The following AK5 variants were observed in gnomAD, a reference collection of about 807,000 sequenced individuals.
AK5 encodes adenylate kinase 5, also known as adenylate kinase isoenzyme 5.
In AK5, 27 loss-of-function variants were observed where a neutral mutation model predicts 69.5. That is an observed-to-expected ratio of 0.39 (90% CI 0.29 to 0.54). AK5 has a LOEUF of 0.54. Ranked by LOEUF, AK5 falls within the 20% of genes least tolerant of loss-of-function variation. The pLI is 0.71. For synonymous variants in AK5, 260 were observed against 244.4 expected, an observed-to-expected ratio of 1.06 and a Z score of -0.60; for missense variants, 531 against 700.4, an observed-to-expected ratio of 0.76 and a Z score of 2.73.
intron 13 of AK5, among the ~76,000 whole-genome samples, chr1:77,544,726 T>C (rs1311874671): frequency 6.6e-6 from 1 of 152,160 alleles, no homozygotes; most frequent in Non-Finnish European, 1.5e-5. Context: ...CAAGGCCTTT[T>C]TCTGGAACAT....
intron 6 of AK5, among the ~76,000 whole-genome samples, chr1:77,344,764 T>C (rs999439479): frequency 6.6e-6 from 1 of 152,104 alleles, no homozygotes; most frequent in Non-Finnish European, 1.5e-5. Context: ...ATATTTATTG[T>C]ACATGAATAA....
At chr1:77,508,894 A>G (rs1312243131) in intron 10 of AK5, among the ~76,000 whole-genome samples, 1 of 150,790 alleles carries the variant, frequency 6.6e-6, no homozygotes, top group African/African-American at 2.4e-5. Flanking sequence ...GAAGGTGGGG[A>G]TGAGTAATCC....
chr1:77,373,671 A>G (rs939912813), intron 6 of AK5, among the ~76,000 whole-genome samples: 4 of 152,002 alleles, frequency 2.6e-5, no homozygotes, highest in African/African-American at 9.7e-5. Context: ...GGTTGCAGTG[A>G]GCCGAGATCG....
At chr1:77,286,442 A>G (rs1339617389) in intron 1 of AK5, among the ~76,000 whole-genome samples, 1 of 151,402 alleles carries the variant, frequency 6.6e-6, no homozygotes, top group East Asian at 1.9e-4. Flanking sequence ...TTAAGGGATT[A>G]TCTTAATGAC....
rs577891406 is a variant in AK5 at position 77,470,403 on chromosome 1, G to A, written c.1060-12914G>A. ...GCCTGTAATCCCAGCTACTCGGATG[G>A]CTGAGGTGGGAAGATCACTTGAGCC... On this transcript the variant is annotated intron_variant, in intron 8 of 13. Coordinates refer to ENST00000354567, the MANE Select transcript of AK5 (RefSeq NM_174858.3). 7.2e-5 allele frequency among the ~76,000 whole-genome samples: 11 copies of A among 152,272 alleles called. No individual in the cohort carries two copies. In the South Asian group the frequency reaches 2.3e-3, roughly 32 times the overall value.
intron 6 of AK5, among the ~76,000 whole-genome samples, chr1:77,405,837 G>A (rs1032787554): frequency 1.3e-5 from 2 of 152,112 alleles, no homozygotes; most frequent in African/African-American, 2.4e-5. Context: ...CCATGTTGCC[G>A]GCTGTGTTTA....
At chr1:77,422,810 C>T (rs2100592963) in intron 8 of AK5, among the ~76,000 whole-genome samples, 2 of 152,332 alleles carry the variant, frequency 1.3e-5, no homozygotes, top group South Asian at 4.1e-4. Context: ...TGTTTAAAGC[C>T]AAGAACATGA....
chr1:77,416,117 C>T (rs979232532), intron 7 of AK5, among the ~76,000 whole-genome samples: 2 of 151,984 alleles, frequency 1.3e-5, no homozygotes, highest in East Asian at 1.9e-4. Context: ...CTGGGCTTTA[C>T]GACGGCTGAG....
At chr1:77,520,655 G>T (rs1379651336) in intron 11 of AK5, among the ~76,000 whole-genome samples, 2 of 152,210 alleles carry the variant, frequency 1.3e-5, no homozygotes, top group Non-Finnish European at 2.9e-5. Flanking sequence ...CACTTTATCA[G>T]ATGCCTTCCC....
rs116359350 is a variant in AK5, at chr1:77,501,542, T to C, written c.1147+15190T>C. 3.8e-3 allele frequency among the ~76,000 whole-genome samples: 573 copies of C among 152,220 alleles called. 2 individuals carry two copies. Among genetic ancestry groups the C allele is most frequent in the African/African-American group, 0.013 (560 of 41,520 alleles). ...ATGTTACCATAACAAATAGTATAAA[T>C]ACATAATAACACCACGGTAAGTATT... On this transcript the variant is annotated intron_variant, in intron 10 of 13. Transcript: ENST00000354567.
At chr1:77,419,743 C>T (rs1182631694) in intron 8 of AK5, among the ~76,000 whole-genome samples, 1 of 152,022 alleles carries the variant, frequency 6.6e-6, no homozygotes, top group Admixed American at 6.6e-5. Flanking sequence ...AAAAGGAATT[C>T]CAGAAAGAGA....
In AK5 at chr1:77,407,787, TC is replaced by T. The variant is rs796335869; in HGVS notation, c.892-3190del. Among the ~76,000 whole-genome samples the T allele has an allele frequency of 6.2e-4, 94 of 152,170 alleles. 1 individual carries two copies. The highest frequency in any genetic ancestry group is 2.2e-3 in the African/African-American group (92 of 41,518). ...TTCAAACTTTGTCCCCCACCTTCCC[TC>T]CCCTCTCTAGTAGTCCCCAGAGTCT... On this transcript the variant is annotated intron_variant, in intron 6 of 13. Transcript: ENST00000354567.
intron 6 of AK5, among the ~76,000 whole-genome samples, chr1:77,355,350 G>C (rs1302170263): frequency 6.6e-6 from 1 of 152,204 alleles, no homozygotes; most frequent in Non-Finnish European, 1.5e-5. Flanking sequence ...CCATGGATAG[G>C]TAATTCCACA....
At chr1:77,465,743 C>A (rs1423108265) in intron 8 of AK5, among the ~76,000 whole-genome samples, 1 of 152,208 alleles carries the variant, frequency 6.6e-6, no homozygotes, top group Non-Finnish European at 1.5e-5. Flanking sequence ...TTCTTTGTAA[C>A]TTTAAACAAG....
At position 77,400,828 on chromosome 1, in the gene AK5, C is replaced by A. The variant is rs1246026389; in HGVS notation, c.892-10153C>A. ...AGGCTTAGAAAATAAGTGTTTTACT[C>A]AGATATACACAGCCTTCAAGTGTTC... is the stretch of plus-strand genomic sequence containing the variant. On this transcript the variant is annotated intron_variant, in intron 6 of 13. Transcript: ENST00000354567. Among the ~76,000 whole-genome samples the A allele has an allele frequency of 4.0e-5, 6 of 150,766 alleles. 1 individual carries two copies. The highest frequency in any genetic ancestry group is 1.5e-5 in the Non-Finnish European group (1 of 67,896).
intron 5 of AK5, among the ~76,000 whole-genome samples, chr1:77,309,762 T>G (rs1659841390): frequency 6.6e-6 from 1 of 152,180 alleles, no homozygotes. Context: ...TTGTATTTCA[T>G]TTTTTGAGAA....
chr1:77,426,016 A>C (rs1205291529), intron 8 of AK5, among the ~76,000 whole-genome samples: 3 of 152,230 alleles, frequency 2.0e-5, no homozygotes, highest in Admixed American at 6.5e-5. Flanking sequence ...AAGACTCATA[A>C]TGCTCAAATA....
At chr1:77,299,409 G>A (rs746890726) in intron 5 of AK5, among the ~76,000 whole-genome samples, 8 of 152,024 alleles carry the variant, frequency 5.3e-5, no homozygotes, top group Non-Finnish European at 8.8e-5. Flanking sequence ...GTCAGTTTAT[G>A]CATCACATGA....
intron 10 of AK5, among the ~76,000 whole-genome samples, chr1:77,493,334 C>CT (rs201672691): frequency 1.3e-5 from 2 of 151,784 alleles, no homozygotes; most frequent in South Asian, 4.2e-4. Flanking sequence ...AGCAGCCCCC[C>CT]CCAGGTTCTC....
Sources: allele counts gnomAD v4.1 joint callset (sites outside exome capture counted in the v4.1 genomes callset), GRCh38; gene constraint gnomAD v4.1.1; transcripts MANE v1.5; gene names NCBI Gene and HGNC (gene_info 2026-07-23, HGNC 2026-07-21).